The following FRMPD4 variants were observed in gnomAD, a reference collection of about 807,000 sequenced individuals.
FRMPD4 encodes FERM and PDZ domain-containing protein 4.
A neutral mutation model predicts 94.1 loss-of-function variants in FRMPD4; 22 were observed. The observed-to-expected ratio is 0.23, with a 90% CI of 0.17 to 0.33. The LOEUF (loss-of-function observed/expected upper bound fraction) is 0.33, where lower values mean the gene tolerates loss of function less well. Ranked by LOEUF, FRMPD4 falls within the 10% of genes least tolerant of loss-of-function variation. The pLI, the probability that FRMPD4 is intolerant of heterozygous loss-of-function variation, is 1.00. For synonymous variants in FRMPD4, 631 were observed against 548.6 expected (o/e 1.15, Z -2.10); for missense variants, 1,111 against 1,339.9 (o/e 0.83, Z 2.67).
intron 1 of FRMPD4, among the ~76,000 whole-genome samples, chrX:11,854,221 C>T (rs2053641489): frequency 9.0e-6 from 1 of 111,053 alleles, no homozygotes; most frequent in Non-Finnish European, 1.9e-5. Flanking sequence ...GGAACTGCCC[C>T]CATGATTCAT....
intron 3 of FRMPD4, among the ~76,000 whole-genome samples, chrX:12,125,347 C>G (rs944435028): frequency 4.5e-5 from 5 of 112,143 alleles, no homozygotes; most frequent in African/African-American, 6.5e-5. Flanking sequence ...GAAACCACAT[C>G]TGGAAGGATT....
intron 2 of FRMPD4, among the ~76,000 whole-genome samples, chrX:12,539,444 A>G (rs1374127303): frequency 1.8e-5 from 2 of 111,763 alleles, no homozygotes; most frequent in East Asian, 5.6e-4. Context: ...AGAACGCCAC[A>G]AAGATACTCC....
chrX:12,449,660 A>C (rs1363076861), intron 1 of FRMPD4, among the ~76,000 whole-genome samples: 4 of 111,250 alleles, frequency 3.6e-5, no homozygotes, highest in Non-Finnish European at 7.5e-5. Flanking sequence ...TTGGATTCTG[A>C]TTTTATGTTT....
chrX:12,160,029 A>G (rs996456028), intron 1 of FRMPD4, among the ~76,000 whole-genome samples: 1 of 109,306 alleles, frequency 9.1e-6, no homozygotes. Flanking sequence ...CGTGGCTCCT[A>G]ACACATGCTG....
chrX:12,700,994 G>A (rs2060183227), intron 9 of FRMPD4, among the ~76,000 whole-genome samples: 1 of 109,225 alleles, frequency 9.2e-6, no homozygotes, highest in African/African-American at 3.3e-5. Context: ...AGCAGTGACA[G>A]TAGTAAACAT....
At chrX:12,655,053 C>A (rs1293138255) in intron 4 of FRMPD4, among the ~76,000 whole-genome samples, 3 of 111,989 alleles carry the variant, frequency 2.7e-5, no homozygotes, top group Non-Finnish European at 5.6e-5. Flanking sequence ...CACTGTATGG[C>A]ACATGGTAAA....
At chrX:11,914,929 A>T in intron 3 of FRMPD4, among the ~76,000 whole-genome samples, 1 of 112,302 alleles carries the variant, frequency 8.9e-6, no homozygotes, top group East Asian at 2.8e-4. Flanking sequence ...TGTATTCAGA[A>T]ATTTAAATTA....
intron 1 of FRMPD4, among the ~76,000 whole-genome samples, chrX:12,362,607 G>T (rs1414061396): frequency 9.0e-6 from 1 of 111,287 alleles, no homozygotes; most frequent in Admixed American, 9.5e-5. Flanking sequence ...GTCTATCGTT[G>T]TTGGACATTT....
chrX:12,100,933 C>A (rs772030827), intron 3 of FRMPD4, among the ~76,000 whole-genome samples: 1 of 112,575 alleles, frequency 8.9e-6, no homozygotes, highest in Non-Finnish European at 1.9e-5. Context: ...AGACAGGCTA[C>A]TGTCTTTGTG....
intron 1 of FRMPD4, among the ~76,000 whole-genome samples, chrX:12,270,786 A>G (rs1212772008): frequency 9.0e-6 from 1 of 111,713 alleles, no homozygotes; most frequent in African/African-American, 3.3e-5. Context: ...TGGAGCTAAG[A>G]TAGAATATTC....
rs763148414 is a variant in FRMPD4, at chrX:12,710,577, C to G, written c.1609+40C>G. The G allele has an allele frequency of 4.5e-6, 5 of 1,113,068 alleles. No individual in the cohort carries two copies. The Admixed American group carries it at 1.1e-4, about 25-fold the overall frequency. The allele number at this position is 1,113,068 out of a possible 1,213,427, so 91.7% of individuals were successfully genotyped here. A position where few individuals can be genotyped will look rare whatever the true frequency, so the allele number is the denominator to read the frequency against. ...AACTCATCAAGCACTGACCTCCCTG[C>G]AAACACCCCACCTGACAACAATAAT... On this transcript the variant is annotated intron_variant, in intron 14 of 16. Transcript: ENST00000675598.
intron 3 of FRMPD4, among the ~76,000 whole-genome samples, chrX:12,028,110 T>G (rs1441244388): frequency 8.9e-6 from 1 of 112,043 alleles, no homozygotes; most frequent in Non-Finnish European, 1.9e-5. Context: ...CGTCACAAGC[T>G]TGAAAGCAAG....
chrX:12,703,519 TA>T (rs2041824251), intron 10 of FRMPD4, among the ~76,000 whole-genome samples: 1 of 111,338 alleles, frequency 9.0e-6, no homozygotes, highest in South Asian at 3.8e-4. Context: ...ACAGGAGAAA[TA>T]ACTGGAATCC....
intron 1 of FRMPD4, among the ~76,000 whole-genome samples, chrX:12,280,397 G>A (rs2054506214): frequency 9.1e-6 from 1 of 110,095 alleles, no homozygotes; most frequent in South Asian, 4.0e-4. Context: ...GGAGTGTTCA[G>A]GAAAGGGAGA....
chrX:12,029,037 G>A (rs946706209), intron 3 of FRMPD4, among the ~76,000 whole-genome samples: 3 of 112,116 alleles, frequency 2.7e-5, no homozygotes, highest in African/African-American at 9.7e-5. Flanking sequence ...AGTATGTTTA[G>A]TTTCATAAGA....
intron 1 of FRMPD4, among the ~76,000 whole-genome samples, chrX:12,140,398 A>G (rs1450334586): frequency 8.9e-6 from 1 of 112,341 alleles, no homozygotes; most frequent in Non-Finnish European, 1.9e-5. Flanking sequence ...TTTGCTTTCA[A>G]GCTGATCTCA....
Position 12,281,835 on chromosome X carries a change from T to G in FRMPD4, c.41+142823T>G, listed in dbSNP as rs180982705. ...GTAGATATTGATGTATTTTAGTTAT[T>G]TCTTTGAAAATTGGGGTTCAGAGAT... On this transcript the variant is annotated intron_variant, in intron 1 of 16. Transcript: ENST00000675598. Among the ~76,000 whole-genome samples, 160 of 111,645 alleles carry G rather than the reference T, an allele frequency of 1.4e-3. 1 individual carries two copies. The highest frequency in any genetic ancestry group is 2.1e-3 in the Non-Finnish European group (109 of 53,153).
At chrX:12,007,948 A>C (rs2054562406) in intron 3 of FRMPD4, among the ~76,000 whole-genome samples, 1 of 111,645 alleles carries the variant, frequency 9.0e-6, no homozygotes, top group South Asian at 3.8e-4. Flanking sequence ...CATGAATGCT[A>C]GGAGGGTAAG....
At chrX:12,373,588 G>A (rs1209202077) in intron 1 of FRMPD4, among the ~76,000 whole-genome samples, 1 of 112,099 alleles carries the variant, frequency 8.9e-6, no homozygotes, top group African/African-American at 3.2e-5. Context: ...CCCACTCACT[G>A]CTAGAAGGAA....
Sources: gnomAD v4.1 joint callset for allele counts (sites outside exome capture counted in the v4.1 genomes callset) on GRCh38, gnomAD v4.1.1 for gene constraint, MANE v1.5 for transcripts, NCBI Gene and HGNC (gene_info 2026-07-23, HGNC 2026-07-21) for gene names.